ABCC4: variants seen among roughly 807,000 people sequenced by gnomAD.
ABCC4 encodes the protein ATP-binding cassette sub-family C member 4.
In ABCC4, 102 loss-of-function variants were observed where a neutral mutation model predicts 168.5. The observed-to-expected ratio is 0.61, with a 90% CI of 0.52 to 0.71. ABCC4 has a LOEUF of 0.71. ABCC4 is among the 30% of genes least tolerant of loss of function. The pLI is 0.00. For synonymous variants in ABCC4, 617 were observed against 590.7 expected, an observed-to-expected ratio of 1.04 and a Z score of -0.65; for missense variants, 1,402 against 1,605.8, an observed-to-expected ratio of 0.87 and a Z score of 2.17.
chr13:95,129,456 A>G (rs957905380), intron 19 of ABCC4, among the ~76,000 whole-genome samples: 2 of 152,198 alleles, frequency 1.3e-5, no homozygotes, highest in African/African-American at 4.8e-5. Flanking sequence ...TATAATGGAC[A>G]TGTTGTGGAT....
chr13:95,053,152 T>A lies in ABCC4; in HGVS notation c.3399A>T (p.Lys1133Asn). 6.2e-7 allele frequency: 1 copy of A among 1,614,162 alleles called. No homozygotes were observed. The highest frequency in any genetic ancestry group is 1.3e-5 in the African/African-American group (1 of 75,066). ...TGTGCTCATTAAAGGGATCCAGGTT[T>A]TTCCTCATTGTTCCAGTGAACAAAA... ...EPVLFTGTMR[K>N]NLDPFNEHTD... The change falls in exon 27 of 31, where the codon AAA becomes AAT. Residue 1133 changes from lysine (K) to asparagine (N), a missense_variant. Physicochemically the swap from Lys to Asn is moderately conservative, Grantham distance 94 (BLOSUM62 0). Transcript: ENST00000645237.
chr13:95,049,551 G>T (rs1044533014), intron 27 of ABCC4, among the ~76,000 whole-genome samples: 1 of 152,056 alleles, frequency 6.6e-6, no homozygotes, highest in Admixed American at 6.5e-5. Flanking sequence ...TGAGGCAGGA[G>T]AATCGCTTGG....
chr13:95,189,936 T>G (rs78608794), intron 9 of ABCC4, among the ~76,000 whole-genome samples: 20,276 of 152,076 alleles, frequency 0.13, 1,757 homozygotes, highest in Non-Finnish European at 0.18. Context: ...TCAGAAATAA[T>G]GTTCCTAAAC....
chr13:95,176,585 T>C (rs1217595120), intron 13 of ABCC4, among the ~76,000 whole-genome samples: 2 of 152,182 alleles, frequency 1.3e-5, no homozygotes, highest in South Asian at 2.1e-4. Flanking sequence ...TTAGTCTTGA[T>C]CCATGCAGAG....
chr13:95,052,239 C>T (rs1474791761), intron 27 of ABCC4, among the ~76,000 whole-genome samples: 3 of 152,188 alleles, frequency 2.0e-5, no homozygotes, highest in African/African-American at 7.2e-5. Context: ...CCTCAGACTT[C>T]CAAAGTGCTG....
At chr13:95,273,558 C>A (rs1467748721) in intron 1 of ABCC4, among the ~76,000 whole-genome samples, 1 of 152,184 alleles carries the variant, frequency 6.6e-6, no homozygotes, top group Non-Finnish European at 1.5e-5. Context: ...TCCATGGGGA[C>A]TATTTGTCCT....
chr13:95,031,872 C>A (rs1339401182), intron 30 of ABCC4, among the ~76,000 whole-genome samples: 2 of 152,112 alleles, frequency 1.3e-5, no homozygotes, highest in African/African-American at 4.8e-5. Flanking sequence ...TCTTATTACT[C>A]CATGCCTTGA....
chr13:95,273,340 GCT>G (rs2040889532), intron 1 of ABCC4, among the ~76,000 whole-genome samples: 1 of 152,194 alleles, frequency 6.6e-6, no homozygotes, highest in South Asian at 2.1e-4. Context: ...CCTTACCGCA[GCT>G]CTGTCGGCCT....
At chr13:95,256,475 G>T (rs2040395057) in intron 1 of ABCC4, among the ~76,000 whole-genome samples, 1 of 152,216 alleles carries the variant, frequency 6.6e-6, no homozygotes, top group African/African-American at 2.4e-5. Flanking sequence ...CAGGCCATTG[G>T]CCGGGGACTG....
At chr13:95,276,943 C>T (rs569348774) in intron 1 of ABCC4, among the ~76,000 whole-genome samples, 43 of 152,186 alleles carry the variant, frequency 2.8e-4, no homozygotes, top group East Asian at 2.7e-3. Flanking sequence ...CGCTTGAATC[C>T]GGGAGGCAAA....
At chr13:95,091,020 AAAG>A (rs1211435661) in intron 20 of ABCC4, among the ~76,000 whole-genome samples, 4 of 152,222 alleles carry the variant, frequency 2.6e-5, no homozygotes, top group Admixed American at 6.5e-5. Flanking sequence ...TAAGTAGAAG[AAAG>A]AAGAAGAAAC....
intron 19 of ABCC4, among the ~76,000 whole-genome samples, chr13:95,121,431 G>GTTTT (rs567192252): frequency 5.8e-5 from 8 of 138,518 alleles, no homozygotes; most frequent in African/African-American, 2.1e-4. Context: ...GTTTTTTTTT[G>GTTTT]TTTTTTTTTT....
chr13:95,061,779 C>T (rs1269404567), intron 26 of ABCC4, among the ~76,000 whole-genome samples: 3 of 151,980 alleles, frequency 2.0e-5, no homozygotes, highest in Non-Finnish European at 4.4e-5. Flanking sequence ...CTGTGAGGTC[C>T]GATGGAAGCC....
At chr13:95,029,087 G>A (rs904266023) in intron 30 of ABCC4, among the ~76,000 whole-genome samples, 2 of 151,384 alleles carry the variant, frequency 1.3e-5, no homozygotes, top group South Asian at 4.2e-4. Flanking sequence ...AGAATCACTT[G>A]ATGGAGACTG....
At chr13:95,051,972 A>G (rs977548588) in intron 27 of ABCC4, among the ~76,000 whole-genome samples, 16 of 150,730 alleles carry the variant, frequency 1.1e-4, no homozygotes, top group Non-Finnish European at 2.2e-4. Context: ...GCCAATTTTT[A>G]TTTTTATTTA....
chr13:95,115,532 G>T (rs2035345026), intron 20 of ABCC4, among the ~76,000 whole-genome samples: 1 of 145,608 alleles, frequency 6.9e-6, no homozygotes, highest in Non-Finnish European at 1.5e-5. Flanking sequence ...CTAAGTATTT[G>T]CCCTTTGTGG....
chr13:95,234,040 A>G (rs16950823), intron 4 of ABCC4, among the ~76,000 whole-genome samples: 10,376 of 152,300 alleles, frequency 0.068, 906 homozygotes, highest in African/African-American at 0.2. Context: ...TCTTCAGTTA[A>G]GAAAATTATA....
chr13:95,083,863 A>G (rs1414794146), intron 20 of ABCC4, among the ~76,000 whole-genome samples: 1 of 152,072 alleles, frequency 6.6e-6, no homozygotes, highest in Non-Finnish European at 1.5e-5. Context: ...CTCATGAGTC[A>G]GGCATTATTA....
At chr13:95,300,857 G>C (rs1021467340) in intron 1 of ABCC4, among the ~76,000 whole-genome samples, 2 of 152,256 alleles carry the variant, frequency 1.3e-5, no homozygotes, top group Non-Finnish European at 2.9e-5. Context: ...AGCCAGCGAA[G>C]GGTGGGCGTG....
Sources: gnomAD v4.1 joint callset for allele counts (sites outside exome capture counted in the v4.1 genomes callset) on GRCh38, gnomAD v4.1.1 for gene constraint, MANE v1.5 for transcripts, NCBI Gene and HGNC (gene_info 2026-07-23, HGNC 2026-07-21) for gene names.